CCDC85A: variants seen among roughly 807,000 people sequenced by gnomAD.
The protein encoded by CCDC85A is coiled-coil domain containing 85A.
CCDC85A carries 38 observed loss-of-function variants against 50.2 expected under a neutral mutation model. That is an observed-to-expected ratio of 0.76 (90% CI 0.58 to 0.99). The LOEUF (loss-of-function observed/expected upper bound fraction) is 0.99. Among genes scored for constraint, CCDC85A ranks in the 50% least tolerant of loss-of-function variants. The probability of loss-of-function intolerance (pLI) is 0.00; values close to 1 mark genes in which losing one functional copy is unlikely to be tolerated. For synonymous variants in CCDC85A, 366 were observed against 301.4 expected (o/e 1.21, Z -2.22); for missense variants, 820 against 742.0 (o/e 1.11, Z -1.22).
Position 56,375,739 on chromosome 2 carries a change from A to T in CCDC85A, c.1453-77A>T, listed in dbSNP as rs958795424. On this transcript the variant is annotated intron_variant, in intron 4 of 5. Coordinates refer to ENST00000407595, the MANE Select transcript of CCDC85A (RefSeq NM_001080433.2). ...ATGGCTAATTCTCATTTGGTAGTGA[A>T]ATTGAATATTGAATGACATCTTTGT... 3.4e-6 allele frequency: 5 copies of T among 1,458,052 alleles called. No individual in the cohort carries two copies. The African/African-American group carries it at 7.1e-5, about 21-fold the overall frequency. 90.3% of individuals were successfully genotyped at this position (1,458,052 alleles called of 1,614,324 possible). A position where few individuals can be genotyped will look rare whatever the true frequency, so the allele number is the denominator to read the frequency against.
At chr2:56,309,122 A>T (rs937102624) in intron 2 of CCDC85A, among the ~76,000 whole-genome samples, 2 of 152,218 alleles carry the variant, frequency 1.3e-5, no homozygotes, top group Non-Finnish European at 2.9e-5. Flanking sequence ...GAACATGGGC[A>T]TTATTTCTAT....
intron 2 of CCDC85A, among the ~76,000 whole-genome samples, chr2:56,229,940 T>C (rs1668708202): frequency 6.6e-6 from 1 of 152,218 alleles, no homozygotes; most frequent in African/African-American, 2.4e-5. Context: ...ATTTTGCCTG[T>C]AACATTTCAC....
At chr2:56,355,834 C>T (rs903899192) in intron 3 of CCDC85A, among the ~76,000 whole-genome samples, 2 of 152,160 alleles carry the variant, frequency 1.3e-5, no homozygotes, top group African/African-American at 4.8e-5. Context: ...TAAAATGCCT[C>T]TCACTTGCTA....
chr2:56,246,713 A>G (rs7576428), intron 2 of CCDC85A, among the ~76,000 whole-genome samples: 4 of 151,938 alleles, frequency 2.6e-5, no homozygotes, highest in African/African-American at 9.7e-5. Context: ...AATTATATTT[A>G]GTTGACCTGT....
rs752209079 is a variant in CCDC85A at position 56,359,177 on chromosome 2, T to C, written c.1318-13167T>C. Among the ~76,000 whole-genome samples the C allele has an allele frequency of 1.2e-4, 18 of 152,178 alleles. 1 individual carries two copies. Among genetic ancestry groups the C allele is most frequent in the Admixed American group, 3.3e-4 (5 of 15,276 alleles). ...TTGCATTAGTTCAAATTCTTTGTCC[T>C]GTCATCCCAAAACCTGCTCTGAGTT... On this transcript the variant is annotated intron_variant, in intron 3 of 5. Transcript: ENST00000407595.
chr2:56,385,066 T>A lies in CCDC85A; in HGVS notation c.*711T>A, dbSNP rs1402786226. Reference sequence around the variant, plus strand: ...TATAAATATATCTTTTTTTTTCATCTTAATGAGTTTCTCATAAAGACACAT... The same window carrying A: ...TATAAATATATCTTTTTTTTTCATCATAATGAGTTTCTCATAAAGACACAT... On this transcript the variant is annotated 3_prime_UTR_variant, in exon 6 of 6. Coordinates refer to ENST00000407595, the MANE Select transcript of CCDC85A (RefSeq NM_001080433.2). 1 of 152,190 alleles carries A rather than the reference T, an allele frequency of 6.6e-6. No individual in the cohort carries two copies. Among genetic ancestry groups the A allele is most frequent in the Non-Finnish European group, 1.5e-5 (1 of 67,800 alleles). The allele number at this position is 152,190 out of a possible 1,614,324, so 9.4% of individuals were successfully genotyped here.
chr2:56,333,209 G>A (rs887452249), intron 2 of CCDC85A, among the ~76,000 whole-genome samples: 1 of 152,184 alleles, frequency 6.6e-6, no homozygotes, highest in Non-Finnish European at 1.5e-5. Flanking sequence ...TGGGTTGGAG[G>A]TGTGGCAGGT....
intron 2 of CCDC85A, among the ~76,000 whole-genome samples, chr2:56,288,965 A>C (rs80122379): frequency 0.046 from 6,983 of 152,262 alleles, 232 homozygotes; most frequent in East Asian, 0.17. Context: ...AGTTGCTGAT[A>C]GTTTCACTAA....
At chr2:56,340,514 G>A (rs1017012942) in intron 2 of CCDC85A, among the ~76,000 whole-genome samples, 1 of 152,082 alleles carries the variant, frequency 6.6e-6, no homozygotes, top group East Asian at 1.9e-4. Context: ...CCCCTAATTC[G>A]ACTGAGGGGC....
intron 5 of CCDC85A, 112 bp downstream of exon 5, chr2:56,376,047 G>A: frequency 8.9e-7 from 1 of 1,123,102 alleles, no homozygotes; most frequent in Non-Finnish European, 1.2e-6. Context: ...TTTATTTTTT[G>A]ACTCCTTATG....
In CCDC85A at chr2:56,312,838, TCTGA is replaced by T. The variant is rs527449813; in HGVS notation, c.1241-30038_1241-30035del. Among the ~76,000 whole-genome samples the T allele has an allele frequency of 1.5e-3, 235 of 152,296 alleles. 1 individual carries two copies. Among genetic ancestry groups the T allele is most frequent in the African/African-American group, 5.3e-3 (222 of 41,544 alleles). On this transcript the variant is annotated intron_variant, in intron 2 of 5. Transcript: ENST00000407595. ...GTAAATTGATCTCTAATTTTGCAAA[TCTGA>T]CTATTTATAAGTCTTAAAACTGATT...
intron 2 of CCDC85A, among the ~76,000 whole-genome samples, chr2:56,237,581 A>G (rs1375910804): frequency 6.9e-4 from 105 of 152,224 alleles, no homozygotes; most frequent in Non-Finnish European, 1.6e-4. Flanking sequence ...GAAGTACTTT[A>G]TCGTCCCTAT....
intron 2 of CCDC85A, among the ~76,000 whole-genome samples, chr2:56,220,299 T>C (rs1573044986): frequency 6.6e-6 from 1 of 152,142 alleles, no homozygotes; most frequent in Non-Finnish European, 1.5e-5. Flanking sequence ...TTTAAAAGGC[T>C]GTTAAATCAG....
At chr2:56,255,722 G>T (rs1669955548) in intron 2 of CCDC85A, among the ~76,000 whole-genome samples, 1 of 152,244 alleles carries the variant, frequency 6.6e-6, no homozygotes, top group South Asian at 2.1e-4. Context: ...ATGGAATCAT[G>T]TGAGACTCTT....
At chr2:56,230,559 T>C (rs1668731830) in intron 2 of CCDC85A, among the ~76,000 whole-genome samples, 1 of 152,156 alleles carries the variant, frequency 6.6e-6, no homozygotes, top group Admixed American at 6.5e-5. Context: ...AAAATGTAAA[T>C]TGAATGCTCT....
intron 2 of CCDC85A, among the ~76,000 whole-genome samples, chr2:56,206,706 C>T (rs1319108123): frequency 2.6e-5 from 4 of 152,158 alleles, no homozygotes; most frequent in East Asian, 3.9e-4. Flanking sequence ...TTGAGGATTA[C>T]GTTTCTAATA....
chr2:56,189,312 T>TTTTTTTTTTTTTTTTTTG (rs1572998269), intron 1 of CCDC85A, among the ~76,000 whole-genome samples: 1 of 149,856 alleles, frequency 6.7e-6, no homozygotes, highest in Non-Finnish European at 1.5e-5. Flanking sequence ...TTTTTTTTTT[T>TTTTTTTTTTTTTTTTTTG]GAGACAAGGT....
At chr2:56,348,660 C>T (rs1674751345) in intron 3 of CCDC85A, among the ~76,000 whole-genome samples, 1 of 152,182 alleles carries the variant, frequency 6.6e-6, no homozygotes, top group Non-Finnish European at 1.5e-5. Context: ...CTAAAGAAAT[C>T]AAGCTCTCAC....
intron 2 of CCDC85A, among the ~76,000 whole-genome samples, chr2:56,223,131 T>G (rs1238298050): frequency 6.6e-6 from 1 of 152,166 alleles, no homozygotes; most frequent in Non-Finnish European, 1.5e-5. Flanking sequence ...GCAGCATCAC[T>G]GAAATAAATA....
Sources: allele counts gnomAD v4.1 joint callset (sites outside exome capture counted in the v4.1 genomes callset), GRCh38; gene constraint gnomAD v4.1.1; transcripts MANE v1.5; gene names NCBI Gene and HGNC (gene_info 2026-07-23, HGNC 2026-07-21).